The following CFAP54 variants were observed in gnomAD, a reference collection of about 807,000 sequenced individuals.
CFAP54 encodes the protein cilia and flagella associated protein 54, also known as cilia- and flagella-associated protein 54.
A neutral mutation model predicts 370.4 loss-of-function variants in CFAP54; 290 were observed. That is an observed-to-expected ratio of 0.78 (90% CI 0.71 to 0.86). The LOEUF (loss-of-function observed/expected upper bound fraction) is 0.86, where lower values mean the gene tolerates loss of function less well. CFAP54 is among the 40% of genes least tolerant of loss of function. The probability of loss-of-function intolerance (pLI) is 0.00; values close to 1 mark genes in which losing one functional copy is unlikely to be tolerated. For synonymous variants in CFAP54, 1,206 were observed against 1,236.5 expected (o/e 0.98, Z 0.52); for missense variants, 3,399 against 3,528.7 (o/e 0.96, Z 0.93).
chr12:96,521,930 A>G lies in CFAP54; in HGVS notation c.1016A>G (p.Gln339Arg), dbSNP rs986548244. The G allele has an allele frequency of 7.2e-6, 11 of 1,534,834 alleles. No homozygotes were observed. The African/African-American group carries it at 9.6e-5, about 13-fold the overall frequency. Residue 339 changes from glutamine to arginine, a missense_variant, in exon 7 of 68, where the codon CAG becomes CGG. By Grantham distance (43) the Gln-to-Arg change is conservative (BLOSUM62 1). Transcript: ENST00000524981. Reference protein sequence around the residue: ...QLELMSSSKSQEESRRYFREA... With the variant: ...QLELMSSSKSREESRRYFREA... The stretch of plus-strand genomic sequence containing the variant: ...GAATTAATGAGTTCCTCAAAATCCC[A>G]GGAAGAATCGCGAAGATATTTTCGA...
At chr12:96,777,566 C>T (rs1958530993) in intron 60 of CFAP54, among the ~76,000 whole-genome samples, 1 of 152,094 alleles carries the variant, frequency 6.6e-6, no homozygotes, top group African/African-American at 2.4e-5. Context: ...TCAGGCTGGT[C>T]TCAAACTCCT....
chr12:96,658,367 T>C, intron 38 of CFAP54, 21 bp downstream of exon 38: 1 of 1,612,644 alleles, frequency 6.2e-7, no homozygotes, highest in Non-Finnish European at 8.5e-7. Context: ...GTTAGTTCTA[T>C]TATTCATGCT....
chr12:96,649,808 C>T, intron 34 of CFAP54, 83 bp from the exon 35 acceptor site: 3 of 812,782 alleles, frequency 3.7e-6, no homozygotes, highest in South Asian at 1.9e-5. Context: ...CTGAATTACT[C>T]ACTTGATCCT....
rs1243662158 is a variant in CFAP54 at position 96,658,298 on chromosome 12, T to C, written c.5412T>C (p.Asp1804=). 1 of 1,614,162 alleles carries C rather than the reference T, an allele frequency of 6.2e-7. No individual in the cohort carries two copies. Among genetic ancestry groups the C allele is most frequent in the Non-Finnish European group, 8.5e-7 (1 of 1,180,004 alleles). The part of the protein sequence containing the change: ...LLRIQKFKGP[D]ITQQPCARYE... ...GAATACAGAAGTTCAAGGGCCCAGA[T>C]ATTACCCAACAACCTTGTGCAAGGT... Residue 1804 remains aspartate (D), a synonymous_variant, in exon 38 of 68, where the codon GAT becomes GAC. Coordinates refer to ENST00000524981, the MANE Select transcript of CFAP54 (RefSeq NM_001306084.2).
intron 60 of CFAP54, among the ~76,000 whole-genome samples, chr12:96,765,573 C>T (rs996892469): frequency 2.6e-5 from 4 of 152,240 alleles, no homozygotes; most frequent in African/African-American, 9.6e-5. Context: ...TCTGATATGC[C>T]TCCCTCTTCT....
At chr12:96,729,276 C>T (rs1361336623) in intron 50 of CFAP54, among the ~76,000 whole-genome samples, 3 of 152,172 alleles carry the variant, frequency 2.0e-5, no homozygotes, top group African/African-American at 7.2e-5. Context: ...GTGCCCTGCC[C>T]CCAGAGGTGC....
chr12:96,515,010 C>CTT (rs34667780), intron 5 of CFAP54, among the ~76,000 whole-genome samples: 8 of 138,430 alleles, frequency 5.8e-5, no homozygotes, highest in East Asian at 2.1e-4. Context: ...GAGTATAGTT[C>CTT]TTTTTTTTTT....
At chr12:96,857,639 C>T (rs900794904) in intron 66 of CFAP54, among the ~76,000 whole-genome samples, 9 of 152,100 alleles carry the variant, frequency 5.9e-5, no homozygotes, top group African/African-American at 1.7e-4. Context: ...AAGGAGGGAC[C>T]TGGTGGGAGG....
chr12:96,718,331 C>A, intron 48 of CFAP54, 112 bp from the exon 49 acceptor site: 3 of 629,730 alleles, frequency 4.8e-6, no homozygotes, highest in South Asian at 1.7e-5. Flanking sequence ...TGTGCTCCAG[C>A]CTGGGTGACA....
chr12:96,730,241 A>G (rs1957905746), intron 50 of CFAP54, among the ~76,000 whole-genome samples: 1 of 152,214 alleles, frequency 6.6e-6, no homozygotes, highest in Admixed American at 6.5e-5. Flanking sequence ...TTAATTTAAA[A>G]AGGTCCTGAC....
chr12:96,613,522 A>G (rs1385938573), intron 26 of CFAP54, among the ~76,000 whole-genome samples: 2 of 152,224 alleles, frequency 1.3e-5, no homozygotes, highest in African/African-American at 2.4e-5. Flanking sequence ...CTAAGATCAG[A>G]GTAGAACTGA....
rs375947114 is a variant in CFAP54 at position 96,691,278 on chromosome 12, C to T, written c.6232C>T (p.Arg2078Cys). The change falls in exon 44 of 68, where the codon CGT (arginine) becomes TGT (cysteine). Residue 2078 changes from arginine (R) to cysteine (C), a missense_variant. By Grantham distance (180) the Arg-to-Cys change is radical. Transcript: ENST00000524981. The part of the protein sequence containing the change: ...SVIASLYYII[R>C]ELHFVRQNLI... The stretch of plus-strand genomic sequence containing the variant: ...AATTGCAAGTCTGTATTACATTATA[C>T]GTGAACTGCACTTTGTTAGGCAAAA... 2.8e-5 allele frequency: 45 copies of T among 1,601,276 alleles called. No individual in the cohort carries two copies. The highest frequency in any genetic ancestry group is 3.6e-5 in the Non-Finnish European group (42 of 1,176,220).
intron 63 of CFAP54, among the ~76,000 whole-genome samples, chr12:96,801,631 C>A (rs765230486): frequency 2.2e-4 from 33 of 152,214 alleles, no homozygotes; most frequent in Admixed American, 7.2e-4. Flanking sequence ...CCTGTCTCAT[C>A]TTCCTGCTCT....
Position 96,821,702 on chromosome 12 carries a change from T to TA in CFAP54, c.9096+3808dup, listed in dbSNP as rs10577712. Among the ~76,000 whole-genome samples, 662 of 131,894 alleles carry TA rather than the reference T, an allele frequency of 5.0e-3. 1 individual carries two copies. The highest frequency in any genetic ancestry group is 7.1e-3 in the African/African-American group (254 of 35,720). 86.5% of individuals were successfully genotyped at this position (131,894 alleles called of 152,430 possible). A position where few individuals can be genotyped will look rare whatever the true frequency, so the allele number is the denominator to read the frequency against. The stretch of plus-strand genomic sequence containing the variant: ...TCCACAATACTAATGAGCACTTTAT[T>TA]AAAAAAAAAAAAAAAAAAAGCTCGA... On this transcript the variant is annotated intron_variant, in intron 65 of 67. Coordinates refer to ENST00000524981, the MANE Select transcript of CFAP54 (RefSeq NM_001306084.2).
Position 96,685,205 on chromosome 12 carries a change from T to A in CFAP54, c.5981T>A (p.Leu1994Ter), listed in dbSNP as rs1957313674. The A allele has an allele frequency of 1.2e-6, 2 of 1,613,984 alleles. No individual in the cohort carries two copies. The highest frequency in any genetic ancestry group is 2.2e-5 in the South Asian group (2 of 91,080). ...TCAAGAGTTGGCATCTGGGGGTGTT[T>A]GCAAGGAGCAGTCATATCAGCAAAG... Reference protein sequence around the residue: ...FLSRVGIWGCLQGAVISAKIA... With the variant: ...FLSRVGIWGC Residue 1994 changes from leucine (L) to a stop codon, truncating the protein, a stop_gained, in exon 42 of 68, where the codon TTG becomes TAG. Coordinates refer to ENST00000524981, the MANE Select transcript of CFAP54 (RefSeq NM_001306084.2). LOFTEE classifies it high-confidence loss of function.
intron 32 of CFAP54, 106 bp from the exon 33 acceptor site, chr12:96,644,072 C>A: frequency 1.4e-6 from 1 of 712,564 alleles, no homozygotes. Flanking sequence ...AGCATAAGGG[C>A]AGTCAAGTGA....
At chr12:96,773,261 G>T (rs1216465727) in intron 60 of CFAP54, among the ~76,000 whole-genome samples, 1 of 152,078 alleles carries the variant, frequency 6.6e-6, no homozygotes, top group Non-Finnish European at 1.5e-5. Context: ...TGTAGATCAG[G>T]AATTTGTCTG....
intron 38 of CFAP54, among the ~76,000 whole-genome samples, chr12:96,659,646 G>A (rs1265737458): frequency 1.3e-5 from 2 of 152,168 alleles, no homozygotes; most frequent in African/African-American, 2.4e-5. Flanking sequence ...GAAAGTCATG[G>A]TATATCTTGA....
chr12:96,851,226 T>G (rs1158321703), intron 66 of CFAP54, among the ~76,000 whole-genome samples: 1 of 152,076 alleles, frequency 6.6e-6, no homozygotes, highest in East Asian at 1.9e-4. Context: ...GAAATAAATT[T>G]ACATTTTCAC....
Sources: allele counts gnomAD v4.1 joint callset (sites outside exome capture counted in the v4.1 genomes callset), GRCh38; gene constraint gnomAD v4.1.1; transcripts MANE v1.5; gene names NCBI Gene and HGNC (gene_info 2026-07-23, HGNC 2026-07-21).